The following WWOX variants were observed in gnomAD, a reference collection of about 807,000 sequenced individuals.
The protein encoded by WWOX is WW domain-containing oxidoreductase.
WWOX carries 69 observed loss-of-function variants against 46.2 expected under a neutral mutation model. The ratio of observed to expected loss-of-function variants is 1.49; its 90% CI spans 1.23 to 1.82. The LOEUF is 1.82. Ranked by LOEUF, WWOX falls within the 40% of genes most tolerant of loss-of-function variation. The pLI is 0.00. For synonymous variants in WWOX, 359 were observed against 202.6 expected, an observed-to-expected ratio of 1.77 and a Z score of -6.56; for missense variants, 919 against 542.6, an observed-to-expected ratio of 1.69 and a Z score of -6.89.
At chr16:78,234,771 T>TAAAAC (rs772951422) in intron 5 of WWOX, among the ~76,000 whole-genome samples, 9 of 132,654 alleles carry the variant, frequency 6.8e-5, no homozygotes, top group East Asian at 2.2e-4. Context: ...GGTACAATGA[T>TAAAAC]AAAACAAAAC....
At chr16:78,322,689 G>C (rs1459094453) in intron 5 of WWOX, among the ~76,000 whole-genome samples, 2 of 152,200 alleles carry the variant, frequency 1.3e-5, no homozygotes, top group Non-Finnish European at 2.9e-5. Flanking sequence ...TATCAACAAA[G>C]TTACTCTGTG....
intron 8 of WWOX, among the ~76,000 whole-genome samples, chr16:78,584,857 G>T (rs138366857): frequency 6.6e-6 from 1 of 152,266 alleles, no homozygotes; most frequent in Non-Finnish European, 1.5e-5. Flanking sequence ...TGTGCACGTC[G>T]GTGCGTGTAA....
chr16:78,526,583 G>A (rs1249410628), intron 8 of WWOX: 1 of 152,164 alleles, frequency 6.6e-6, no homozygotes, highest in Admixed American at 6.5e-5. Context: ...CCCCAGATTG[G>A]ATCCTCTGCT....
chr16:78,949,020 C>G (rs1429820621), intron 8 of WWOX, among the ~76,000 whole-genome samples: 1 of 152,050 alleles, frequency 6.6e-6, no homozygotes, highest in East Asian at 1.9e-4. Context: ...TATGGGCGGC[C>G]CTCAGAAGCT....
Position 78,361,147 on chromosome 16 carries a change from GCTTA to G in WWOX, c.517-25708_517-25705del, listed in dbSNP as rs199916852. 8.3e-3 allele frequency among the ~76,000 whole-genome samples: 1,265 copies of G among 152,088 alleles called. 15 individuals carry two copies. The highest frequency in any genetic ancestry group is 0.026 in the African/African-American group (1,089 of 41,470). The stretch of plus-strand genomic sequence containing the variant: ...TTGGAGCATTCAGTCTTTGATAGTT[GCTTA>G]CTTATTTCCTTCTTTCTGATCTTGA... On this transcript the variant is annotated intron_variant, in intron 5 of 8. Transcript: ENST00000566780.
intron 8 of WWOX, among the ~76,000 whole-genome samples, chr16:78,490,604 G>C (rs1053642539): frequency 1.3e-5 from 2 of 152,204 alleles, no homozygotes; most frequent in African/African-American, 2.4e-5. Context: ...GTGGCCCAGA[G>C]ACCAAATGAA....
chr16:78,121,546 C>G (rs1051844585), intron 4 of WWOX, among the ~76,000 whole-genome samples: 4 of 152,118 alleles, frequency 2.6e-5, no homozygotes, highest in Non-Finnish European at 5.9e-5. Flanking sequence ...TGAGCATCAT[C>G]TCATAATTTG....
chr16:78,996,884 G>A (rs569465915), intron 8 of WWOX, among the ~76,000 whole-genome samples: 2 of 152,272 alleles, frequency 1.3e-5, no homozygotes, highest in East Asian at 3.9e-4. Flanking sequence ...GCAGAGCTGC[G>A]TCCACAGTCC....
chr16:78,720,777 A>G (rs2048670639), intron 8 of WWOX, among the ~76,000 whole-genome samples: 1 of 152,112 alleles, frequency 6.6e-6, no homozygotes, highest in African/African-American at 2.4e-5. Flanking sequence ...CTCAAACTCT[A>G]TTATACAAGC....
In WWOX at chr16:79,182,790, G is replaced by A. The variant is rs762100232; in HGVS notation, c.1057-28818G>A. On this transcript the variant is annotated intron_variant, in intron 8 of 8. Coordinates refer to ENST00000566780, the MANE Select transcript of WWOX (RefSeq NM_016373.4). Reference sequence around the variant, plus strand: ...TGAGTCACTATTTCTGAGACACTTCGTGCCTGGCACAGAACGAGCACTGTG... The same window carrying A: ...TGAGTCACTATTTCTGAGACACTTCATGCCTGGCACAGAACGAGCACTGTG... 4.5e-4 allele frequency among the ~76,000 whole-genome samples: 69 copies of A among 152,272 alleles called. 3 individuals carry two copies. Among genetic ancestry groups the A allele is most frequent in the Non-Finnish European group, 2.9e-4 (20 of 68,020 alleles).
chr16:78,568,030 C>T (rs1483981009), intron 8 of WWOX, among the ~76,000 whole-genome samples: 1 of 152,174 alleles, frequency 6.6e-6, no homozygotes, highest in East Asian at 1.9e-4. Flanking sequence ...TTGAAGGCGG[C>T]AGGAGTCTTT....
chr16:78,997,810 C>G (rs1052483422), intron 8 of WWOX, among the ~76,000 whole-genome samples: 4 of 152,186 alleles, frequency 2.6e-5, no homozygotes, highest in African/African-American at 9.6e-5. Flanking sequence ...TAGATTTTCT[C>G]TGCAGATTTC....
intron 8 of WWOX, chr16:78,525,682 G>A (rs1240126070): frequency 6.6e-6 from 1 of 152,046 alleles, no homozygotes; most frequent in Admixed American, 6.5e-5. Context: ...CAAGGACAAT[G>A]GTGGGCTGGA....
intron 8 of WWOX, among the ~76,000 whole-genome samples, chr16:78,631,023 T>A (rs889143492): frequency 6.6e-6 from 1 of 152,162 alleles, no homozygotes; most frequent in Non-Finnish European, 1.5e-5. Context: ...ATAACCACTA[T>A]TTATATCGTG....
At chr16:79,000,030 TC>T (rs2047063494) in intron 8 of WWOX, among the ~76,000 whole-genome samples, 1 of 152,156 alleles carries the variant, frequency 6.6e-6, no homozygotes, top group Non-Finnish European at 1.5e-5. Flanking sequence ...AGTATCTTCT[TC>T]CCCAGCTGAA....
chr16:78,105,075 G>A (rs982730594), intron 1 of WWOX, among the ~76,000 whole-genome samples: 6 of 152,238 alleles, frequency 3.9e-5, no homozygotes, highest in African/African-American at 1.4e-4. Flanking sequence ...GGCTGGCAAT[G>A]TCTGGAGATG....
intron 8 of WWOX, among the ~76,000 whole-genome samples, chr16:79,164,124 A>G (rs1439951233): frequency 6.6e-6 from 1 of 152,254 alleles, no homozygotes; most frequent in Non-Finnish European, 1.5e-5. Flanking sequence ...CCCAGAAACA[A>G]GGCTACAAAA....
At chr16:78,968,204 C>T (rs1268669113) in intron 8 of WWOX, among the ~76,000 whole-genome samples, 1 of 152,084 alleles carries the variant, frequency 6.6e-6, no homozygotes, top group East Asian at 1.9e-4. Flanking sequence ...GTCTGCATGG[C>T]ACAGCACATG....
intron 8 of WWOX, among the ~76,000 whole-genome samples, chr16:78,886,223 C>T (rs1388690008): frequency 7.7e-6 from 1 of 129,944 alleles, no homozygotes; most frequent in Non-Finnish European, 1.7e-5. Flanking sequence ...CTGCGCCTGA[C>T]TGTACTTTTT....
Sources: allele counts gnomAD v4.1 joint callset (sites outside exome capture counted in the v4.1 genomes callset), GRCh38; gene constraint gnomAD v4.1.1; transcripts MANE v1.5; gene names NCBI Gene and HGNC (gene_info 2026-07-23, HGNC 2026-07-21).